The following GEMIN7 variants were observed in gnomAD, a reference collection of about 807,000 sequenced individuals.
The protein encoded by GEMIN7 is gem nuclear organelle associated protein 7.
In GEMIN7, 7 loss-of-function variants were observed where a neutral mutation model predicts 7.8. That is an observed-to-expected ratio of 0.90 (90% CI 0.51 to 1.69). The LOEUF (loss-of-function observed/expected upper bound fraction) is 1.69. Ranked by LOEUF, GEMIN7 falls within the 40% of genes most tolerant of loss-of-function variation. GEMIN7 has a pLI of 0.00. For missense variants in GEMIN7, 159 were observed against 176.2 expected (o/e 0.90, Z 0.55); for synonymous variants, 68 against 72.4 (o/e 0.94, Z 0.31).
intron 2 of GEMIN7, 51 bp from the exon 3 acceptor site, chr19:45,090,056 G>C: frequency 1.3e-6 from 2 of 1,550,344 alleles, no homozygotes; most frequent in East Asian, 4.5e-5. Context: ...TCCTCCATTA[G>C]CCCCATGCTT....
upstream of GEMIN7, chr19:45,076,304 C>G (rs1392864235): frequency 3.5e-6 from 5 of 1,435,862 alleles, no homozygotes; most frequent in Non-Finnish European, 4.6e-6. The surrounding 1 kb of genome is among the most constrained non-coding windows in gnomAD (Gnocchi z 4.9). Context: ...ATTTCCATCT[C>G]GTCGTCTGGG....
chr19:45,080,336 C>G (rs1197519057), intron 2 of GEMIN7, among the ~76,000 whole-genome samples: 1 of 151,940 alleles, frequency 6.6e-6, no homozygotes, highest in Admixed American at 6.6e-5. Flanking sequence ...AGAGTTTGCT[C>G]CCTCTTCCTC....
At chr19:45,078,094 ACT>A (rs1967392133), upstream of GEMIN7, among the ~76,000 whole-genome samples, 7 of 78,886 alleles carry the variant, frequency 8.9e-5, no homozygotes, top group Admixed American at 1.4e-4. Context: ...CCCTTATTTT[ACT>A]CTTTTTTTTT....
At chr19:45,079,786 T>TG (rs1197800842) in intron 1 of GEMIN7, 121 bp from the exon 2 acceptor site, 1 of 152,194 alleles carries the variant, frequency 6.6e-6, no homozygotes, top group Non-Finnish European at 1.5e-5. Context: ...ATTCTGTGCT[T>TG]GGGGTTCTGA....
chr19:45,083,949 G>A (rs546351565), intron 2 of GEMIN7, among the ~76,000 whole-genome samples: 2 of 152,000 alleles, frequency 1.3e-5, no homozygotes, highest in African/African-American at 2.4e-5. Context: ...GGTGGCTCAC[G>A]CCTGTAATAC....
rs542337487 is a variant in GEMIN7, at chr19:45,091,170, C to A, written c.*660C>A. The A allele has an allele frequency of 3.1e-3, 512 of 167,338 alleles. 5 individuals are homozygous for A. Among genetic ancestry groups the A allele is most frequent in the Non-Finnish European group, 4.2e-4 (29 of 68,280 alleles). The allele number at this position is 167,338 out of a possible 1,614,324, so 10.4% of individuals were successfully genotyped here. ...GGTGGCTCGTGCTGGGTCACGTGGT[C>A]GTGCCCAAGCGCTCCTCCTGTTGCC... On this transcript the variant is annotated 3_prime_UTR_variant, in exon 3 of 3. Coordinates refer to ENST00000270257, the MANE Select transcript of GEMIN7 (RefSeq NM_024707.3).
chr19:45,075,638 G>A (rs1380719532), upstream of GEMIN7: 2 of 1,554,886 alleles, frequency 1.3e-6, no homozygotes, highest in South Asian at 1.2e-5. Context: ...GTGCCCTGCC[G>A]TCCAGCCCAG....
At chr19:45,080,765 G>GTTT (rs57306662) in intron 2 of GEMIN7, among the ~76,000 whole-genome samples, 2 of 135,650 alleles carry the variant, frequency 1.5e-5, no homozygotes, top group Non-Finnish European at 1.5e-5. Flanking sequence ...CTTGTTTTTT[G>GTTT]TTTTTTTTTT....
intron 2 of GEMIN7, among the ~76,000 whole-genome samples, chr19:45,083,977 A>G (rs8111414): frequency 0.56 from 84,244 of 150,920 alleles, 24,234 homozygotes; most frequent in African/African-American, 0.68. Flanking sequence ...TTGGGAGGCC[A>G]AGGCGGGTGG....
In GEMIN7 at chr19:45,090,514, T is replaced by C; in HGVS notation, c.*4T>C. The C allele has an allele frequency of 6.3e-7, 1 of 1,599,876 alleles. No homozygotes were observed. The highest frequency in any genetic ancestry group is 8.6e-7 in the Non-Finnish European group (1 of 1,169,092). ...TTCATATACCTTCAAGCCATAAAGA[T>C]ATTGTGTTCACTTTTCTGCTTGAGG... is the stretch of plus-strand genomic sequence containing the variant. On this transcript the variant is annotated 3_prime_UTR_variant, in exon 3 of 3. Coordinates refer to ENST00000270257, the MANE Select transcript of GEMIN7 (RefSeq NM_024707.3).
At chr19:45,079,651 G>T (rs992798007) in intron 1 of GEMIN7, among the ~76,000 whole-genome samples, 3 of 152,264 alleles carry the variant, frequency 2.0e-5, no homozygotes, top group Admixed American at 1.3e-4. Context: ...CGCCCAGGGC[G>T]GTGTGGGGAG....
At chr19:45,080,202 A>T (rs1031565933) in intron 2 of GEMIN7, among the ~76,000 whole-genome samples, 173 bp downstream of exon 2, 18 of 152,156 alleles carry the variant, frequency 1.2e-4, no homozygotes, top group Non-Finnish European at 2.1e-4. Context: ...CACCAGGGAC[A>T]ATGGATAACG....
chr19:45,090,254 C>T lies in GEMIN7; in HGVS notation c.140C>T (p.Ala47Val). ...CCTGAAATCCAGGAGTGTCCCATAG[C>T]TCAAGAATCCCTGGAATCCCAGGAG... ...EVPEIQECPIAQESLESQEQR... is the reference protein window; with the variant it reads ...EVPEIQECPIVQESLESQEQR... Residue 47 changes from alanine to valine, a missense_variant, in exon 3 of 3, where the codon GCT becomes GTT. By Grantham distance (64) the Ala-to-Val change is moderately conservative (BLOSUM62 0). Transcript: ENST00000270257. 6.2e-7 allele frequency: 1 copy of T among 1,614,228 alleles called. No homozygotes were observed. The highest frequency in any genetic ancestry group is 8.5e-7 in the Non-Finnish European group (1 of 1,180,048).
At chr19:45,076,255 G>A, upstream of GEMIN7, 1 of 1,501,776 alleles carries the variant, frequency 6.7e-7, no homozygotes, top group African/African-American at 1.5e-5. The surrounding 1 kb of genome is among the most constrained non-coding windows in gnomAD (Gnocchi z 4.9). Context: ...TTGGGGCTGC[G>A]CGTCTGGCTC....
intron 2 of GEMIN7, among the ~76,000 whole-genome samples, chr19:45,083,024 T>A (rs945032301): frequency 6.6e-6 from 1 of 152,204 alleles, no homozygotes; most frequent in African/African-American, 2.4e-5. Flanking sequence ...TGTTTCCATA[T>A]TGTCTATGGC....
At chr19:45,076,402 G>A (rs1386245059), upstream of GEMIN7, 2 of 1,237,874 alleles carry the variant, frequency 1.6e-6, no homozygotes, top group Non-Finnish European at 2.0e-6. The surrounding 1 kb of genome is among the most constrained non-coding windows in gnomAD (Gnocchi z 4.9). Context: ...GCGAGCGGGC[G>A]GGCAGGCAGG....
Position 45,081,388 on chromosome 19 carries a change from G to A in GEMIN7, c.-9+1359G>A, listed in dbSNP as rs185838532. On this transcript the variant is annotated intron_variant, in intron 2 of 2. Transcript: ENST00000270257. ...GGAGAATTGCTTGAACCCGGGAGGC[G>A]GAGGTTGCAGTGAGTTGAGATCATG... 2.8e-3 allele frequency among the ~76,000 whole-genome samples: 420 copies of A among 151,790 alleles called. 1 individual carries two copies. The highest frequency in any genetic ancestry group is 9.5e-3 in the African/African-American group (395 of 41,400).
In GEMIN7 at chr19:45,090,717, G is replaced by C; in HGVS notation, c.*207G>C. ...TAGGAATTCTAAGATCCCATTGGAAGGAATGCTCTACCTCACAGAACTCTG... is the reference window on the plus strand; with the variant it reads ...TAGGAATTCTAAGATCCCATTGGAACGAATGCTCTACCTCACAGAACTCTG... On this transcript the variant is annotated 3_prime_UTR_variant, in exon 3 of 3. Coordinates refer to ENST00000270257, the MANE Select transcript of GEMIN7 (RefSeq NM_024707.3). The C allele has an allele frequency of 1.7e-6, 1 of 584,046 alleles. No individual in the cohort carries two copies. Among genetic ancestry groups the C allele is most frequent in the Non-Finnish European group, 3.1e-6 (1 of 319,250 alleles). The allele number at this position is 584,046 out of a possible 1,614,324, so 36.2% of individuals were successfully genotyped here. A position where few individuals can be genotyped will look rare whatever the true frequency, so the allele number is the denominator to read the frequency against.
chr19:45,078,227 G>A (rs534501512), upstream of GEMIN7, among the ~76,000 whole-genome samples: 1 of 150,946 alleles, frequency 6.6e-6, no homozygotes, highest in East Asian at 2.0e-4. Context: ...TGAGCCTCCG[G>A]AGTAGCTGGG....
Sources: allele counts gnomAD v4.1 joint callset (sites outside exome capture counted in the v4.1 genomes callset), GRCh38; gene constraint gnomAD v4.1.1; non-coding constraint Gnocchi (gnomAD v3.1); transcripts MANE v1.5; gene names NCBI Gene and HGNC (gene_info 2026-07-23, HGNC 2026-07-21).